The following OR4N2 variants were observed in gnomAD, a reference collection of about 807,000 sequenced individuals.
OR4N2 encodes olfactory receptor 4N2.
For missense variants in OR4N2, 307 were observed against 377.6 expected, an observed-to-expected ratio of 0.81 and a Z score of 1.55; for synonymous variants, 141 against 140.4, an observed-to-expected ratio of 1.00 and a Z score of -0.03.
chr14:19,825,097 G>A (rs975342056), intron 1 of OR4N2, among the ~76,000 whole-genome samples: 50 of 152,362 alleles, frequency 3.3e-4, no homozygotes, highest in African/African-American at 1.1e-3. Flanking sequence ...CTCATTTGAA[G>A]GAACTACAAA....
Position 19,827,890 on chromosome 14 carries a change from C to T in OR4N2, c.442C>T (p.Leu148=), listed in dbSNP as rs1879756531. 2 of 1,614,122 alleles carry T rather than the reference C, an allele frequency of 1.2e-6. No homozygotes were observed. The highest frequency in any genetic ancestry group is 1.7e-5 in the Admixed American group (1 of 60,014). Residue 148 remains leucine (L), a synonymous_variant, in exon 2 of 2, where the codon CTG becomes TTG. Coordinates refer to ENST00000557677, the MANE Select transcript of OR4N2 (RefSeq NM_001004723.3). ...AACCTGCTATGCAATGATGTTGGCT[C>T]TGTGGCTTGGGGGTTTTGTCCACTC... ...PRTCYAMMLA[L]WLGGFVHSII... is the part of the protein sequence containing the mutation.
chr14:19,805,509 G>A (rs1484294335), intron 1 of OR4N2, among the ~76,000 whole-genome samples: 5 of 152,104 alleles, frequency 3.3e-5, no homozygotes, highest in Admixed American at 6.5e-5. Flanking sequence ...CTCAAAGACC[G>A]GTTCTTTGAA....
chr14:19,812,212 T>TA (rs1879312618), intron 1 of OR4N2, among the ~76,000 whole-genome samples: 2 of 152,076 alleles, frequency 1.3e-5, no homozygotes, highest in Admixed American at 1.3e-4. Context: ...ATATAAAGTG[T>TA]TAAGGGTATA....
At chr14:19,815,741 G>A (rs1261445592) in intron 1 of OR4N2, among the ~76,000 whole-genome samples, 2 of 148,570 alleles carry the variant, frequency 1.3e-5, no homozygotes, top group Non-Finnish European at 3.0e-5. Context: ...TGTTGCCATT[G>A]CTTTTGGTGT....
intron 1 of OR4N2, among the ~76,000 whole-genome samples, chr14:19,813,950 TTC>T (rs57328169): frequency 0.021 from 3,193 of 151,560 alleles, 29 homozygotes; most frequent in African/African-American, 0.069. Flanking sequence ...TTTTCTGTAC[TTC>T]TCTCTCTCTC....
intron 1 of OR4N2, among the ~76,000 whole-genome samples, chr14:19,812,276 G>C (rs1425645758): frequency 2.0e-5 from 3 of 149,000 alleles, no homozygotes; most frequent in African/African-American, 7.4e-5. Context: ...AATTCTCTTT[G>C]AATTTTCTGT....
chr14:19,813,716 T>A (rs1468831579), intron 1 of OR4N2, among the ~76,000 whole-genome samples: 1 of 152,148 alleles, frequency 6.6e-6, no homozygotes, highest in Non-Finnish European at 1.5e-5. Flanking sequence ...GGAAAAGAAA[T>A]CTCATACCAG....
chr14:19,808,710 T>C (rs1318138274), intron 1 of OR4N2, among the ~76,000 whole-genome samples: 22 of 151,934 alleles, frequency 1.4e-4, no homozygotes, highest in Non-Finnish European at 2.8e-4. Flanking sequence ...TTCTCAGAAT[T>C]AGAAAAAAGA....
chr14:19,824,436 G>A (rs1306349824), intron 1 of OR4N2, among the ~76,000 whole-genome samples: 1 of 152,220 alleles, frequency 6.6e-6, no homozygotes, highest in East Asian at 1.9e-4. Flanking sequence ...CAATTTCAAA[G>A]TCCTTCAGAA....
intron 1 of OR4N2, among the ~76,000 whole-genome samples, chr14:19,820,540 C>T (rs1482864961): frequency 6.6e-6 from 1 of 152,224 alleles, no homozygotes; most frequent in African/African-American, 2.4e-5. Context: ...GCCGCCCTTC[C>T]CCCCAGGTGC....
chr14:19,812,329 C>CTTTTTTTTTTTTTTTTTTTTTTTTTTTTT (rs3078143), intron 1 of OR4N2, among the ~76,000 whole-genome samples: 11 of 117,436 alleles, frequency 9.4e-5, no homozygotes, highest in South Asian at 2.6e-4. Flanking sequence ...CTTTTCTTTT[C>CTTTTTTTTTTTTTTTTTTTTTTTTTTTTT]TTTTTTTTTT....
chr14:19,828,001 A>C lies in OR4N2; in HGVS notation c.553A>C (p.Ile185Leu). ...CTTCTTCTGTGATGTCCCACAGGTC[A>C]TCAAGCTGGCCTGCACCGACACATT... The part of the protein sequence containing the change: ...DNFFCDVPQV[I>L]KLACTDTFVV... Residue 185 changes from isoleucine (I) to leucine (L), a missense_variant, in exon 2 of 2, where the codon ATC becomes CTC. Transcript: ENST00000557677. The C allele has an allele frequency of 6.2e-7, 1 of 1,614,228 alleles. No homozygotes were observed. Among genetic ancestry groups the C allele is most frequent in the Non-Finnish European group, 8.5e-7 (1 of 1,180,050 alleles).
chr14:19,821,928 C>T lies in OR4N2; in HGVS notation c.-9-5512C>T, dbSNP rs1260653909. The T allele has an allele frequency of 2.6e-5, 4 of 152,382 alleles. No homozygotes were observed. The East Asian group carries it at 7.7e-4, about 29-fold the overall frequency. The allele number at this position is 152,382 out of a possible 1,614,324, so 9.4% of individuals were successfully genotyped here. A position where few individuals can be genotyped will look rare whatever the true frequency, so the allele number is the denominator to read the frequency against. On this transcript the variant is annotated intron_variant, in intron 1 of 1. Transcript: ENST00000557677. Reference sequence around the variant, plus strand: ...ACAATGGCAAAACTGGTTAGTCTTACTAGGAGAGGGAGGATGCCTACTTTG... The same window carrying T: ...ACAATGGCAAAACTGGTTAGTCTTATTAGGAGAGGGAGGATGCCTACTTTG...
At position 19,828,466 on chromosome 14, in the gene OR4N2, C is replaced by T. The variant is rs1465574241; in HGVS notation, c.*94C>T. Reference sequence around the variant, plus strand: ...TCCAAGTACTGCAATCACTGAGTACCTCCCATTTGTCAGGACTATTCTGGG... The same window carrying T: ...TCCAAGTACTGCAATCACTGAGTACTTCCCATTTGTCAGGACTATTCTGGG... On this transcript the variant is annotated 3_prime_UTR_variant, in exon 2 of 2. Transcript: ENST00000557677. The T allele has an allele frequency of 8.2e-6, 10 of 1,216,436 alleles. No homozygotes were observed. Among genetic ancestry groups the T allele is most frequent in the Middle Eastern group, 2.0e-4 (1 of 4,968 alleles). The allele number at this position is 1,216,436 out of a possible 1,614,324, so 75.4% of individuals were successfully genotyped here.
intron 1 of OR4N2, among the ~76,000 whole-genome samples, chr14:19,815,816 G>GT (rs1390457296): frequency 5.3e-5 from 8 of 152,110 alleles, no homozygotes; most frequent in Admixed American, 2.0e-4. Context: ...TTCTTTTAGG[G>GT]TTTTTATGGT....
At chr14:19,815,670 G>GT (rs1234128937) in intron 1 of OR4N2, among the ~76,000 whole-genome samples, 6 of 105,464 alleles carry the variant, frequency 5.7e-5, no homozygotes, top group South Asian at 2.8e-4. Flanking sequence ...TTTTTTTTTT[G>GT]TTTTTTTTCT....
At chr14:19,819,390 A>G (rs1301761292) in intron 1 of OR4N2, among the ~76,000 whole-genome samples, 1 of 152,100 alleles carries the variant, frequency 6.6e-6, no homozygotes, top group Non-Finnish European at 1.5e-5. Flanking sequence ...GTTCCTTTTC[A>G]ATCTTTTTTC....
intron 1 of OR4N2, among the ~76,000 whole-genome samples, chr14:19,823,912 T>C (rs4616198): frequency 0.39 from 57,738 of 149,036 alleles, 6,790 homozygotes; most frequent in South Asian, 0.48. Context: ...CTCCAGGAGC[T>C]CATCTGACCA....
chr14:19,807,965 CATA>C (rs1879205422), intron 1 of OR4N2, among the ~76,000 whole-genome samples: 2 of 152,166 alleles, frequency 1.3e-5, no homozygotes, highest in South Asian at 2.1e-4. Flanking sequence ...ATCACATAAA[CATA>C]ATAAGAGACA....
Sources: allele counts gnomAD v4.1 joint callset (sites outside exome capture counted in the v4.1 genomes callset), GRCh38; gene constraint gnomAD v4.1.1; transcripts MANE v1.5; gene names NCBI Gene and HGNC (gene_info 2026-07-23, HGNC 2026-07-21).